Variants in PBX3 observed in about 807,000 individuals in gnomAD.
PBX3 encodes the protein PBX homeobox 3, also known as pre-B-cell leukemia transcription factor 3.
In PBX3, 14 loss-of-function variants were observed where a neutral mutation model predicts 48.5. The observed-to-expected ratio is 0.29, with a 90% confidence interval of 0.19 to 0.45. PBX3 has a LOEUF of 0.45. Ranked by LOEUF, PBX3 falls within the 20% of genes least tolerant of loss-of-function variation. The probability of loss-of-function intolerance (pLI) is 1.00; values close to 1 mark genes in which losing one functional copy is unlikely to be tolerated. For missense variants in PBX3, 386 were observed against 546.7 expected (o/e 0.71, Z 2.93); for synonymous variants, 210 against 200.3 (o/e 1.05, Z -0.41).
chr9:125,869,574 A>G (rs554408861), intron 2 of PBX3, among the ~76,000 whole-genome samples: 2 of 152,358 alleles, frequency 1.3e-5, no homozygotes, highest in Non-Finnish European at 2.9e-5. Context: ...AGCAGGAGCA[A>G]TATGAGCTAG....
In PBX3 at chr9:125,899,328, A is replaced by C. The variant is rs7862561; in HGVS notation, c.275-16358A>C. Among the ~76,000 whole-genome samples, 69 of 102,380 alleles carry C rather than the reference A, an allele frequency of 6.7e-4. 4 individuals carry two copies. In the East Asian group the frequency reaches 0.014, roughly 21 times the overall value. The allele number at this position is 102,380 out of a possible 152,430, so 67.2% of individuals were successfully genotyped here. On this transcript the variant is annotated intron_variant, in intron 2 of 8. Transcript: ENST00000373489. The stretch of plus-strand genomic sequence containing the variant: ...ACATATATGTATATATTTTTATATA[A>C]ATATATACATATATGTATATATTTT...
At chr9:125,794,296 C>T (rs1837713389) in intron 2 of PBX3, among the ~76,000 whole-genome samples, 1 of 152,150 alleles carries the variant, frequency 6.6e-6, no homozygotes, top group South Asian at 2.1e-4. Context: ...TACTCACACC[C>T]CACCTCAGAA....
At chr9:125,911,100 G>A (rs1171925354) in intron 2 of PBX3, among the ~76,000 whole-genome samples, 2 of 151,962 alleles carry the variant, frequency 1.3e-5, no homozygotes, top group African/African-American at 2.4e-5. Context: ...ATGCCTTGAG[G>A]GTTTTTCAGT....
chr9:125,884,505 G>T (rs1251360800), intron 2 of PBX3, among the ~76,000 whole-genome samples: 1 of 152,190 alleles, frequency 6.6e-6, no homozygotes, highest in Non-Finnish European at 1.5e-5. Flanking sequence ...GAAACTGAGA[G>T]AATTTCAATC....
chr9:125,851,983 A>G (rs1839595779), intron 2 of PBX3, among the ~76,000 whole-genome samples: 1 of 151,790 alleles, frequency 6.6e-6, no homozygotes, highest in South Asian at 2.1e-4. Context: ...AAAAGGCACC[A>G]TTAGTTTAAA....
chr9:125,777,087 C>A (rs1330066345), intron 2 of PBX3, among the ~76,000 whole-genome samples: 1 of 151,750 alleles, frequency 6.6e-6, no homozygotes, highest in Non-Finnish European at 1.5e-5. Context: ...TCACTGCAAC[C>A]TGCAACCTCT....
At chr9:125,848,214 A>G (rs1296367463) in intron 2 of PBX3, among the ~76,000 whole-genome samples, 1 of 152,080 alleles carries the variant, frequency 6.6e-6, no homozygotes, top group African/African-American at 2.4e-5. Flanking sequence ...ACACTATCTC[A>G]TGAACAATGA....
chr9:125,952,366 C>T (rs73668739), intron 5 of PBX3, among the ~76,000 whole-genome samples: 6,162 of 152,264 alleles, frequency 0.04, 443 homozygotes, highest in African/African-American at 0.14. Context: ...GCACTTCTGC[C>T]TCTTGGAGGC....
At chr9:125,801,790 T>TACACACACACACAC (rs367989628) in intron 2 of PBX3, among the ~76,000 whole-genome samples, 1,675 of 146,244 alleles carry the variant, frequency 0.011, 12 homozygotes, top group Middle Eastern at 0.027. Flanking sequence ...TGTATACACA[T>TACACACACACACAC]ACACACACAC....
chr9:125,912,318 A>G (rs1677299936), intron 2 of PBX3, among the ~76,000 whole-genome samples: 1 of 152,142 alleles, frequency 6.6e-6, no homozygotes, highest in Non-Finnish European at 1.5e-5. Context: ...GGCTTTAGGT[A>G]CTTTTCACAT....
intron 2 of PBX3, among the ~76,000 whole-genome samples, chr9:125,811,721 C>G (rs1392738928): frequency 2.6e-5 from 4 of 152,196 alleles, no homozygotes; most frequent in Non-Finnish European, 5.9e-5. Flanking sequence ...TGTTCATTTT[C>G]TCATTTGCAG....
chr9:125,903,758 T>A (rs1841005431), intron 2 of PBX3, among the ~76,000 whole-genome samples: 1 of 151,870 alleles, frequency 6.6e-6, no homozygotes, highest in South Asian at 2.1e-4. Flanking sequence ...AAAAATAAAA[T>A]AGAAATGAGT....
intron 2 of PBX3, among the ~76,000 whole-genome samples, chr9:125,792,731 C>T (rs993273015): frequency 6.9e-6 from 1 of 145,096 alleles, no homozygotes; most frequent in African/African-American, 2.5e-5. Context: ...TGGAGTCTCA[C>T]TCTGTTGCCC....
intron 2 of PBX3, among the ~76,000 whole-genome samples, chr9:125,893,460 G>C (rs1840698751): frequency 1.3e-5 from 2 of 152,202 alleles, no homozygotes; most frequent in East Asian, 1.9e-4. Context: ...CATATCTTCA[G>C]ATCTTCTGTC....
intron 4 of PBX3, among the ~76,000 whole-genome samples, chr9:125,930,195 A>G (rs930899832): frequency 2.0e-5 from 3 of 152,222 alleles, no homozygotes; most frequent in Non-Finnish European, 2.9e-5. Context: ...GAATTTCTTA[A>G]TGTTACACGG....
chr9:125,825,010 C>T (rs565757916), intron 2 of PBX3, among the ~76,000 whole-genome samples: 1 of 152,298 alleles, frequency 6.6e-6, no homozygotes, highest in South Asian at 2.1e-4. Flanking sequence ...AATTGCCAGG[C>T]ATAGTGGCTC....
chr9:125,812,628 A>G (rs1838326107), intron 2 of PBX3, among the ~76,000 whole-genome samples: 1 of 152,242 alleles, frequency 6.6e-6, no homozygotes, highest in African/African-American at 2.4e-5. Flanking sequence ...TTACGAATAC[A>G]GTCGTGTCAC....
chr9:125,790,400 GCAC>G (rs1353000536), intron 2 of PBX3, among the ~76,000 whole-genome samples: 3 of 151,760 alleles, frequency 2.0e-5, no homozygotes, highest in East Asian at 1.9e-4. Flanking sequence ...CTACAGGCAT[GCAC>G]CACCACGCCT....
chr9:125,886,204 T>G (rs1253374662), intron 2 of PBX3, among the ~76,000 whole-genome samples: 3 of 152,126 alleles, frequency 2.0e-5, no homozygotes, highest in Admixed American at 2.0e-4. Context: ...GTGTATATTA[T>G]CATTAAAAAC....
Sources: allele counts gnomAD v4.1 joint callset (sites outside exome capture counted in the v4.1 genomes callset), GRCh38; gene constraint gnomAD v4.1.1; transcripts MANE v1.5; gene names NCBI Gene and HGNC (gene_info 2026-07-23, HGNC 2026-07-21).